The following TMPRSS11A variants were observed in gnomAD, a reference collection of about 807,000 sequenced individuals.
TMPRSS11A encodes the protein transmembrane serine protease 11A.
Under a neutral mutation model 58.9 loss-of-function variants are expected in TMPRSS11A, and 53 were observed. The ratio of observed to expected loss-of-function variants is 0.90; its 90% CI spans 0.72 to 1.13. The LOEUF is 1.13. Ranked by LOEUF, TMPRSS11A falls within the 50% of genes most tolerant of loss-of-function variation. The pLI is 0.00. For synonymous variants in TMPRSS11A, 167 were observed against 169.8 expected, an observed-to-expected ratio of 0.98 and a Z score of 0.13; for missense variants, 493 against 499.3, an observed-to-expected ratio of 0.99 and a Z score of 0.12.
chr4:67,936,651 C>T (rs1376688064), intron 3 of TMPRSS11A, among the ~76,000 whole-genome samples: 1 of 152,056 alleles, frequency 6.6e-6, no homozygotes, highest in East Asian at 1.9e-4. Flanking sequence ...TTGCACTGGT[C>T]CTTCTTCAGT....
At chr4:67,935,327 C>T (rs1370261192) in intron 3 of TMPRSS11A, among the ~76,000 whole-genome samples, 1 of 152,162 alleles carries the variant, frequency 6.6e-6, no homozygotes, top group Non-Finnish European at 1.5e-5. Flanking sequence ...CAGGCTGTTC[C>T]TTTGGTCTGT....
At chr4:67,943,421 T>C (rs1016334545) in intron 3 of TMPRSS11A, among the ~76,000 whole-genome samples, 1 of 152,176 alleles carries the variant, frequency 6.6e-6, no homozygotes, top group African/African-American at 2.4e-5. Flanking sequence ...GTTTATCTTT[T>C]TAACTAAGGC....
At chr4:67,926,429 C>A (rs796617770) in intron 5 of TMPRSS11A, among the ~76,000 whole-genome samples, 13 of 152,314 alleles carry the variant, frequency 8.5e-5, no homozygotes, top group African/African-American at 2.9e-4. Flanking sequence ...ACTGAATGTG[C>A]CTTTCTTAAG....
chr4:67,937,035 T>TGA (rs1010802168), intron 3 of TMPRSS11A, among the ~76,000 whole-genome samples: 15 of 152,272 alleles, frequency 9.9e-5, no homozygotes, highest in African/African-American at 3.4e-4. Flanking sequence ...GATTAGTTTA[T>TGA]GAGAGAGAGA....
intron 1 of TMPRSS11A, 126 bp from the exon 2 acceptor site, chr4:67,946,697 C>T: frequency 2.2e-6 from 2 of 911,324 alleles, no homozygotes; most frequent in Non-Finnish European, 3.1e-6. Context: ...TAATTTTGTT[C>T]AATGTCATCT....
intron 4 of TMPRSS11A, 26 bp from the exon 5 acceptor site, chr4:67,930,066 T>C (rs764593647): frequency 1.3e-6 from 2 of 1,592,158 alleles, no homozygotes; most frequent in Non-Finnish European, 1.7e-6. Context: ...GAAAGGTACA[T>C]TTTCAAAGAA....
Position 67,911,202 on chromosome 4 carries a change from TA to T in TMPRSS11A, c.*139del. 1.4e-6 allele frequency: 1 copy of T among 720,422 alleles called. No homozygotes were observed. Among genetic ancestry groups the T allele is most frequent in the Non-Finnish European group, 2.2e-6 (1 of 460,430 alleles). 44.6% of individuals were successfully genotyped at this position (720,422 alleles called of 1,614,324 possible). ...GATTATTGGTTGATTAAAGTGATTCTAAATAACTTACGTTGTGTGTTTCATG... is the reference window on the plus strand; with the variant it reads ...GATTATTGGTTGATTAAAGTGATTCTAATAACTTACGTTGTGTGTTTCATG... On this transcript the variant is annotated 3_prime_UTR_variant, in exon 10 of 10. Transcript: ENST00000508048.
chr4:67,920,547 A>ATTT lies in TMPRSS11A; in HGVS notation c.693-1316_693-1315insAAA, dbSNP rs1252687414. On this transcript the variant is annotated intron_variant, in intron 7 of 9. Transcript: ENST00000508048. Reference sequence around the variant, plus strand: ...GGTAATTATATATATATATATATATATATTTTTTTTTATATATACACACAC... The same window carrying ATTT: ...GGTAATTATATATATATATATATATATTTTATTTTTTTTTATATATACACACAC... Among the ~76,000 whole-genome samples, 524 of 80,080 alleles carry ATTT rather than the reference A, an allele frequency of 6.5e-3. 1 individual carries two copies. Among genetic ancestry groups the ATTT allele is most frequent in the Non-Finnish European group, 8.6e-3 (339 of 39,436 alleles). The allele number at this position is 80,080 out of a possible 152,430, so 52.5% of individuals were successfully genotyped here.
chr4:67,921,696 A>G (rs2109740018), intron 7 of TMPRSS11A, among the ~76,000 whole-genome samples: 1 of 152,350 alleles, frequency 6.6e-6, no homozygotes, highest in East Asian at 1.9e-4. Flanking sequence ...TTATAGTAAC[A>G]AAAGTTAGAA....
intron 7 of TMPRSS11A, among the ~76,000 whole-genome samples, chr4:67,920,764 A>T (rs1383425502): frequency 6.6e-6 from 1 of 151,770 alleles, no homozygotes; most frequent in Non-Finnish European, 1.5e-5. Context: ...ATTTTTCCTG[A>T]TCCTCTCCCT....
chr4:67,955,005 A>C (rs1220842660), intron 1 of TMPRSS11A, among the ~76,000 whole-genome samples: 1 of 152,238 alleles, frequency 6.6e-6, no homozygotes, highest in African/African-American at 2.4e-5. Flanking sequence ...GATAGAAATC[A>C]GCCATGCTGA....
chr4:67,940,226 C>T (rs6552130), intron 3 of TMPRSS11A, among the ~76,000 whole-genome samples: 62,043 of 151,836 alleles, frequency 0.41, 14,489 homozygotes, highest in Non-Finnish European at 0.54. Context: ...GAGGTTTTGG[C>T]GTTAGGGTAA....
chr4:67,961,120 C>T (rs1721410980), intron 1 of TMPRSS11A, among the ~76,000 whole-genome samples: 1 of 152,114 alleles, frequency 6.6e-6, no homozygotes. Flanking sequence ...TAACAGAACC[C>T]ATAGAGAAGA....
At chr4:67,939,687 C>A (rs1266912558) in intron 3 of TMPRSS11A, among the ~76,000 whole-genome samples, 1 of 151,862 alleles carries the variant, frequency 6.6e-6, no homozygotes, top group African/African-American at 2.4e-5. Context: ...TTTTAATTTT[C>A]TTAAATTTTT....
chr4:67,955,261 G>A (rs1655034685), intron 1 of TMPRSS11A, among the ~76,000 whole-genome samples: 1 of 152,094 alleles, frequency 6.6e-6, no homozygotes, highest in Admixed American at 6.5e-5. Context: ...TGGAATAAAG[G>A]GTTGAGCCAC....
chr4:67,924,066 AT>A, intron 6 of TMPRSS11A, 61 bp downstream of exon 6: 1 of 1,388,402 alleles, frequency 7.2e-7, no homozygotes, highest in South Asian at 1.2e-5. Context: ...ATGAGCAAAT[AT>A]TTGAAAATGT....
rs1719922739 is a variant in TMPRSS11A at position 67,909,897 on chromosome 4, G to T, written c.*1445C>A. 6.6e-6 allele frequency: 1 copy of T among 152,016 alleles called. No individual in the cohort carries two copies. Among genetic ancestry groups the T allele is most frequent in the Non-Finnish European group, 1.5e-5 (1 of 67,938 alleles). The allele number at this position is 152,016 out of a possible 1,614,324, so 9.4% of individuals were successfully genotyped here. ...CTAAATTATGAATCAAGTGTTTTAT[G>T]AGTGAACTGCATATCTCTTTTAGAT... On this transcript the variant is annotated 3_prime_UTR_variant, in exon 10 of 10. Coordinates refer to ENST00000508048, the MANE Select transcript of TMPRSS11A (RefSeq NM_001114387.2).
intron 9 of TMPRSS11A, among the ~76,000 whole-genome samples, 170 bp from the exon 10 acceptor site, chr4:67,911,673 G>C (rs955791994): frequency 6.6e-6 from 1 of 151,982 alleles, no homozygotes; most frequent in Non-Finnish European, 1.5e-5. Context: ...GAGCCTTAAG[G>C]TTCAACTTTC....
chr4:67,925,164 C>T (rs1426664370), intron 5 of TMPRSS11A, among the ~76,000 whole-genome samples: 2 of 152,056 alleles, frequency 1.3e-5, no homozygotes, highest in African/African-American at 2.4e-5. Flanking sequence ...TGGACACAAT[C>T]CAAGATTAAA....
Sources: allele counts gnomAD v4.1 joint callset (sites outside exome capture counted in the v4.1 genomes callset), GRCh38; gene constraint gnomAD v4.1.1; transcripts MANE v1.5; gene names NCBI Gene and HGNC (gene_info 2026-07-23, HGNC 2026-07-21).